Variants in RARA observed in about 807,000 individuals in gnomAD.
RARA encodes the protein PML-DDX5-RARA fusion.
In RARA, 5 loss-of-function variants were observed where a neutral mutation model predicts 42.8. The ratio of observed to expected loss-of-function variants is 0.12; its 90% CI spans 0.06 to 0.25. The LOEUF is 0.25. Ranked by LOEUF, RARA falls within the 10% of genes least tolerant of loss-of-function variation. RARA has a pLI of 1.00. For missense variants in RARA, 402 were observed against 628.7 expected (o/e 0.64, Z 3.86); for synonymous variants, 256 against 259.5 (o/e 0.99, Z 0.13).
chr17:40,315,171 T>TATATATATATATAC (rs1247793097), intron 1 of RARA, among the ~76,000 whole-genome samples: 2 of 76,580 alleles, frequency 2.6e-5, no homozygotes, highest in African/African-American at 1.2e-4. Flanking sequence ...TATATATATA[T>TATATATATATATAC]ACACACACAC....
chr17:40,315,259 T>C (rs1247886917), intron 1 of RARA, among the ~76,000 whole-genome samples: 1 of 150,220 alleles, frequency 6.7e-6, no homozygotes, highest in African/African-American at 2.5e-5. Flanking sequence ...AGACAGGTCT[T>C]GAACTCCTGG....
At chr17:40,338,470 A>C (rs2033923984) in intron 2 of RARA, among the ~76,000 whole-genome samples, 1 of 152,126 alleles carries the variant, frequency 6.6e-6, no homozygotes, top group Admixed American at 6.5e-5. Context: ...CATGGGCAGG[A>C]GTCTTAAAGG....
intron 3 of RARA, chr17:40,349,521 A>C: frequency 2.4e-6 from 1 of 411,242 alleles, no homozygotes; most frequent in Non-Finnish European, 4.4e-6. Flanking sequence ...TTTTCCCTGG[A>C]AGGGAGGAGT....
intron 1 of RARA, among the ~76,000 whole-genome samples, chr17:40,325,975 C>G (rs1567749115): frequency 2.0e-5 from 3 of 152,166 alleles, no homozygotes; most frequent in South Asian, 2.1e-4. Flanking sequence ...TCCCTAAATC[C>G]AAAGGTTTCC....
intron 2 of RARA, among the ~76,000 whole-genome samples, chr17:40,333,698 A>G (rs2033765863): frequency 6.6e-6 from 1 of 150,604 alleles, no homozygotes; most frequent in African/African-American, 2.5e-5. Context: ...GTGCAGTGGC[A>G]TGATCATAGC....
intron 2 of RARA, among the ~76,000 whole-genome samples, chr17:40,338,706 CAAA>C (rs34668171): frequency 3.8e-5 from 2 of 52,408 alleles, no homozygotes; most frequent in Non-Finnish European, 8.0e-5. Flanking sequence ...GACTTGGACT[CAAA>C]AAAAAAAAAA....
chr17:40,310,504 G>A (rs1339072548), intron 1 of RARA, among the ~76,000 whole-genome samples: 2 of 152,088 alleles, frequency 1.3e-5, no homozygotes, highest in African/African-American at 4.8e-5. Context: ...GTCTAGGTGT[G>A]GGGTGTGCTC....
In RARA at chr17:40,349,940, G is replaced by T. The variant is rs1246219749; in HGVS notation, c.469+15G>T. 3.1e-6 allele frequency: 5 copies of T among 1,612,990 alleles called. No individual in the cohort carries two copies. The highest frequency in any genetic ancestry group is 3.3e-5 in the Admixed American group (2 of 59,980). ...GTCCAAGGAGTGTGAGTGCCATAGG[G>T]CAGGGGCCGAGTCCCGCCTCAGTTG... is the stretch of plus-strand genomic sequence containing the variant. On this transcript the variant is annotated intron_variant, in intron 4 of 8. Transcript: ENST00000254066.
intron 2 of RARA, among the ~76,000 whole-genome samples, chr17:40,339,134 G>A (rs918153270): frequency 5.3e-5 from 8 of 152,180 alleles, no homozygotes; most frequent in Middle Eastern, 3.2e-3. Context: ...TGAGTTTCAC[G>A]TACCCAGCAA....
chr17:40,341,964 C>T (rs2143385842), intron 2 of RARA: 2 of 1,134,098 alleles, frequency 1.8e-6, no homozygotes, highest in Middle Eastern at 7.2e-4. Context: ...CTTCTCTCCT[C>T]TCCTCCCCCT....
In RARA at chr17:40,355,471, G is replaced by A. The variant is rs2034590399; in HGVS notation, c.1171+50G>A. 9 of 1,561,864 alleles carry A rather than the reference G, an allele frequency of 5.8e-6. No homozygotes were observed. Among genetic ancestry groups the A allele is most frequent in the Non-Finnish European group, 7.8e-6 (9 of 1,150,152 alleles). On this transcript the variant is annotated intron_variant, in intron 8 of 8. Transcript: ENST00000254066. This position sits in a 1 kb window ranked among gnomAD's most constrained non-coding sequence, Gnocchi z 4.1. The stretch of plus-strand genomic sequence containing the variant: ...TACCGGCCCCCGACACCTGGCCCAG[G>A]CCCCCACATCCAAGCCAGCACCCCA...
intron 2 of RARA, among the ~76,000 whole-genome samples, chr17:40,339,994 C>T (rs934703373): frequency 2.0e-5 from 3 of 152,234 alleles, no homozygotes; most frequent in Non-Finnish European, 4.4e-5. Flanking sequence ...GACTGCACTT[C>T]AGGGCCCCAC....
Position 40,351,408 on chromosome 17 carries a change from C to G in RARA, c.470-502C>G, listed in dbSNP as rs2034444655. The stretch of plus-strand genomic sequence containing the variant: ...TTTGTCAGCTCCCCAGCTAATGGGC[C>G]AAGAGATTCTCCCCGCCAGGTCCCC... On this transcript the variant is annotated intron_variant, in intron 4 of 8. Coordinates refer to ENST00000254066, the MANE Select transcript of RARA (RefSeq NM_000964.4). The surrounding 1 kb of genome is among the most constrained non-coding windows in gnomAD (Gnocchi z 4.1). 2.2e-6 allele frequency: 1 copy of G among 451,608 alleles called. No individual in the cohort carries two copies. The highest frequency in any genetic ancestry group is 2.5e-5 in the Admixed American group (1 of 39,338). The allele number at this position is 451,608 out of a possible 1,614,324, so 28.0% of individuals were successfully genotyped here.
chr17:40,344,530 A>G (rs996613050), intron 2 of RARA, among the ~76,000 whole-genome samples: 1 of 152,098 alleles, frequency 6.6e-6, no homozygotes, highest in Non-Finnish European at 1.5e-5. Context: ...TTCTTAGCCC[A>G]TGGGGACAGC....
intron 3 of RARA, chr17:40,349,413 C>T (rs565271668): frequency 3.4e-4 from 73 of 216,304 alleles, no homozygotes; most frequent in Non-Finnish European, 6.0e-4. Context: ...TCTTCTTTTC[C>T]TGTGTTCTGA....
At chr17:40,310,363 A>AGTGT (rs781064244) in intron 1 of RARA, among the ~76,000 whole-genome samples, 9 of 127,464 alleles carry the variant, frequency 7.1e-5, no homozygotes, top group Non-Finnish European at 1.1e-4. Context: ...ACCATGTGTG[A>AGTGT]GTGTGTGTCT....
chr17:40,343,103 C>A, intron 2 of RARA: 1 of 685,246 alleles, frequency 1.5e-6, no homozygotes, highest in Non-Finnish European at 2.1e-6. Flanking sequence ...TTCCTTCTTT[C>A]AAGCAACATT....
rs939636386 is a variant in RARA, at chr17:40,324,318, G to A, written c.-362-6539G>A. On this transcript the variant is annotated intron_variant, in intron 1 of 8. Coordinates refer to ENST00000254066, the MANE Select transcript of RARA (RefSeq NM_000964.4). The stretch of plus-strand genomic sequence containing the variant: ...CCATTTTTTTTTTCCTTCCCTGTGG[G>A]TTGGTCCCTCTTCTTGAGGCCTGAA... 4.7e-4 allele frequency among the ~76,000 whole-genome samples: 71 copies of A among 151,928 alleles called. 1 individual carries two copies. Among genetic ancestry groups the A allele is most frequent in the Admixed American group, 4.7e-3 (71 of 15,254 alleles).
chr17:40,309,471 C>T (rs1228517747), intron 1 of RARA, among the ~76,000 whole-genome samples, 185 bp downstream of exon 1: 1 of 152,246 alleles, frequency 6.6e-6, no homozygotes, highest in African/African-American at 2.4e-5. Flanking sequence ...GAGCCCTCTG[C>T]ACCCTCCAGC....
Sources: allele counts gnomAD v4.1 joint callset (sites outside exome capture counted in the v4.1 genomes callset), GRCh38; gene constraint gnomAD v4.1.1; non-coding constraint Gnocchi (gnomAD v3.1); transcripts MANE v1.5; gene names NCBI Gene and HGNC (gene_info 2026-07-23, HGNC 2026-07-21).